GUCY1B1: variants seen among roughly 807,000 people sequenced by gnomAD.
GUCY1B1 encodes guanylate cyclase 1 soluble subunit beta 1.
In GUCY1B1, 43 loss-of-function variants were observed where a neutral mutation model predicts 71.0. The observed-to-expected ratio is 0.61, with a 90% CI of 0.47 to 0.78. The LOEUF (loss-of-function observed/expected upper bound fraction) is 0.78. Ranked by LOEUF, GUCY1B1 falls within the 30% of genes least tolerant of loss-of-function variation. The probability of loss-of-function intolerance (pLI) is 0.00; values close to 1 mark genes in which losing one functional copy is unlikely to be tolerated. For synonymous variants in GUCY1B1, 266 were observed against 259.7 expected (o/e 1.02, Z -0.23); for missense variants, 535 against 754.1 (o/e 0.71, Z 3.40).
intron 2 of GUCY1B1, chr4:155,772,604 G>A: frequency 6.1e-6 from 4 of 651,634 alleles, no homozygotes; most frequent in Non-Finnish European, 1.1e-5. Flanking sequence ...ATTTCTAGGA[G>A]AGAAGAGGTC....
At chr4:155,772,625 G>T (rs139193084) in intron 2 of GUCY1B1, 1 of 691,788 alleles carries the variant, frequency 1.4e-6, no homozygotes, top group South Asian at 1.5e-5. Context: ...TTGGTATGTC[G>T]CCCAGGCTGT....
chr4:155,763,016 T>C (rs1737102228), intron 2 of GUCY1B1, among the ~76,000 whole-genome samples: 1 of 152,196 alleles, frequency 6.6e-6, no homozygotes, highest in African/African-American at 2.4e-5. Flanking sequence ...CTATGATTTC[T>C]AAGTAATGAC....
chr4:155,772,683 G>A (rs1737776448), intron 2 of GUCY1B1: 1 of 702,222 alleles, frequency 1.4e-6, no homozygotes, highest in African/African-American at 1.7e-5. Flanking sequence ...GCTTCCCAAA[G>A]TGCTGGGATA....
chr4:155,782,812 A>G (rs1248883916), intron 4 of GUCY1B1, among the ~76,000 whole-genome samples: 3 of 152,114 alleles, frequency 2.0e-5, no homozygotes, highest in Admixed American at 6.6e-5. Flanking sequence ...ACCTCTAGAA[A>G]CCCAGACACA....
chr4:155,766,086 T>G (rs960003186), intron 2 of GUCY1B1, among the ~76,000 whole-genome samples: 1 of 152,188 alleles, frequency 6.6e-6, no homozygotes, highest in Admixed American at 6.5e-5. Context: ...TTCAATAAAA[T>G]ATCAGGCTCT....
At chr4:155,792,713 A>C (rs779335375) in intron 5 of GUCY1B1, among the ~76,000 whole-genome samples, 1 of 152,054 alleles carries the variant, frequency 6.6e-6, no homozygotes, top group Non-Finnish European at 1.5e-5. Context: ...TGTTGTCCCA[A>C]ACTTTTTCTG....
rs1464200708 is a variant in GUCY1B1 at position 155,789,804 on chromosome 4, G to A, written c.388G>A (p.Gly130Arg). 1 of 1,604,120 alleles carries A rather than the reference G, an allele frequency of 6.2e-7. No individual in the cohort carries two copies. The highest frequency in any genetic ancestry group is 8.5e-7 in the Non-Finnish European group (1 of 1,170,992). ...FRCTDAEKGK[G>R]LILHYYSERE... ...GTGCACTGATGCAGAAAAGGGCAAA[G>A]GACTCATTTTGCACTACTACTCAGA... The change falls in exon 5 of 14, where the codon GGA (glycine) becomes AGA (arginine). Residue 130 changes from glycine (G) to arginine (R), a missense_variant. Gly to Arg is a moderately radical substitution (Grantham distance 125). Transcript: ENST00000264424.
intron 5 of GUCY1B1, 75 bp from the exon 6 acceptor site, chr4:155,793,781 T>C: frequency 1.4e-6 from 1 of 700,886 alleles, no homozygotes; most frequent in Non-Finnish European, 2.5e-6. Context: ...TATTCATAAC[T>C]CATTTTTTAT....
chr4:155,797,837 G>A (rs1329860338), intron 8 of GUCY1B1, among the ~76,000 whole-genome samples: 1 of 150,974 alleles, frequency 6.6e-6, no homozygotes, highest in Non-Finnish European at 1.5e-5. Context: ...TAATATATCA[G>A]ATAATATAAG....
chr4:155,789,104 C>G (rs546565077), intron 4 of GUCY1B1, among the ~76,000 whole-genome samples: 1 of 152,268 alleles, frequency 6.6e-6, no homozygotes, highest in African/African-American at 2.4e-5. Context: ...AGTTATTTCA[C>G]AGATTAGCTA....
chr4:155,803,088 G>C (rs1432569950), intron 10 of GUCY1B1, among the ~76,000 whole-genome samples: 1 of 152,188 alleles, frequency 6.6e-6, no homozygotes, highest in Non-Finnish European at 1.5e-5. Flanking sequence ...AAAGAAGTCA[G>C]TGGAATATTG....
intron 5 of GUCY1B1, among the ~76,000 whole-genome samples, chr4:155,793,115 G>A (rs911495974): frequency 3.3e-5 from 5 of 151,716 alleles, no homozygotes; most frequent in South Asian, 2.1e-4. Flanking sequence ...TCGTTCTGTC[G>A]CCCAGGCTGG....
chr4:155,762,366 A>AT (rs528312315), intron 2 of GUCY1B1, among the ~76,000 whole-genome samples: 17 of 152,102 alleles, frequency 1.1e-4, no homozygotes, highest in Middle Eastern at 3.4e-3. Context: ...CCAAACTCTT[A>AT]TTTTTTCTTT....
At chr4:155,772,746 T>A in intron 2 of GUCY1B1, 2 of 702,574 alleles carry the variant, frequency 2.8e-6, no homozygotes, top group Non-Finnish European at 5.2e-6. Context: ...AATGCTTATG[T>A]GCTTTATGTG....
chr4:155,772,747 G>A (rs1341072873), intron 2 of GUCY1B1: 1 of 702,476 alleles, frequency 1.4e-6, no homozygotes, highest in Admixed American at 2.0e-5. Context: ...ATGCTTATGT[G>A]CTTTATGTGA....
chr4:155,764,740 G>C (rs1737217472), intron 2 of GUCY1B1, among the ~76,000 whole-genome samples: 1 of 152,162 alleles, frequency 6.6e-6, no homozygotes, highest in Non-Finnish European at 1.5e-5. Context: ...TGGCTGTTAA[G>C]CTTACTAATG....
rs1736757605 is a variant in GUCY1B1, at chr4:155,759,120, C to G, written c.-21C>G. 6.3e-7 allele frequency: 1 copy of G among 1,591,350 alleles called. No individual in the cohort carries two copies. Among genetic ancestry groups the G allele is most frequent in the African/African-American group, 1.3e-5 (1 of 74,368 alleles). On this transcript the variant is annotated 5_prime_UTR_variant, in exon 1 of 14. Coordinates refer to ENST00000264424, the MANE Select transcript of GUCY1B1 (RefSeq NM_000857.5). The stretch of plus-strand genomic sequence containing the variant: ...GTACCTCTGCGTGGGGGCTGCCTCC[C>G]CGGCTCCCGGTGCAGACACCATGGT...
At chr4:155,790,206 T>C (rs986851221) in intron 5 of GUCY1B1, among the ~76,000 whole-genome samples, 1 of 152,216 alleles carries the variant, frequency 6.6e-6, no homozygotes, top group Admixed American at 6.5e-5. Context: ...CAGAAGGATA[T>C]GTGACGACTG....
intron 9 of GUCY1B1, among the ~76,000 whole-genome samples, 169 bp downstream of exon 9, chr4:155,800,243 A>T (rs994530820): frequency 4.6e-5 from 7 of 152,234 alleles, no homozygotes; most frequent in Non-Finnish European, 1.0e-4. Flanking sequence ...AAGGAAATAA[A>T]CCAGTCTTAA....
Sources: allele counts gnomAD v4.1 joint callset (sites outside exome capture counted in the v4.1 genomes callset), GRCh38; gene constraint gnomAD v4.1.1; transcripts MANE v1.5; gene names NCBI Gene and HGNC (gene_info 2026-07-23, HGNC 2026-07-21).